Variants in RIPOR2 observed in about 807,000 individuals in gnomAD.
RIPOR2 encodes the protein rho family-interacting cell polarization regulator 2.
In RIPOR2, 39 loss-of-function variants were observed where a neutral mutation model predicts 114.5. That is an observed-to-expected ratio of 0.34 (90% CI 0.26 to 0.44). RIPOR2 has a LOEUF of 0.44. Among genes scored for constraint, RIPOR2 ranks in the 20% least tolerant of loss-of-function variants. RIPOR2 has a pLI of 1.00. For missense variants in RIPOR2, 1,007 were observed against 1,255.1 expected (o/e 0.80, Z 2.99); for synonymous variants, 445 against 484.4 (o/e 0.92, Z 1.07).
intron 13 of RIPOR2, 177 bp from the exon 14 acceptor site, chr6:24,839,449 A>G: frequency 7.0e-7 from 1 of 1,438,360 alleles, no homozygotes; most frequent in South Asian, 1.4e-5. Flanking sequence ...ACAACCATGG[A>G]TAAAATGGCA....
At chr6:24,926,758 C>T (rs1770882574) in intron 1 of RIPOR2, among the ~76,000 whole-genome samples, 1 of 152,076 alleles carries the variant, frequency 6.6e-6, no homozygotes, top group South Asian at 2.1e-4. Context: ...ATGTAGTAAA[C>T]CCTTATGGTT....
At chr6:24,975,257 G>T (rs9366590) in intron 1 of RIPOR2, among the ~76,000 whole-genome samples, 27,251 of 152,118 alleles carry the variant, frequency 0.18, 3,167 homozygotes, top group East Asian at 0.56. Context: ...CACAAAGAAT[G>T]TAGAGATATT....
At chr6:24,954,814 C>T (rs1448512753) in intron 1 of RIPOR2, among the ~76,000 whole-genome samples, 1 of 152,124 alleles carries the variant, frequency 6.6e-6, no homozygotes, top group African/African-American at 2.4e-5. Context: ...GGATTAATAA[C>T]GTATTCTCAT....
chr6:24,945,428 A>G (rs1020484536), intron 1 of RIPOR2, among the ~76,000 whole-genome samples: 1 of 152,194 alleles, frequency 6.6e-6, no homozygotes, highest in African/African-American at 2.4e-5. Context: ...AAAAATAGAG[A>G]GCACTGGTAG....
At chr6:24,914,207 G>A (rs1769898098) in intron 1 of RIPOR2, among the ~76,000 whole-genome samples, 1 of 152,054 alleles carries the variant, frequency 6.6e-6, no homozygotes, top group Non-Finnish European at 1.5e-5. Context: ...GTGGTGGCAG[G>A]TGCCTGTAAT....
At chr6:24,823,481 G>A (rs1276229003) in intron 19 of RIPOR2, among the ~76,000 whole-genome samples, 1 of 152,174 alleles carries the variant, frequency 6.6e-6, no homozygotes, top group African/African-American at 2.4e-5. Context: ...TACTTGACAG[G>A]TATTATTTCT....
chr6:25,002,648 TA>T (rs1385623494), intron 1 of RIPOR2, among the ~76,000 whole-genome samples: 8 of 152,240 alleles, frequency 5.3e-5, no homozygotes, highest in Non-Finnish European at 1.2e-4. Flanking sequence ...GTTTTAGATA[TA>T]CAACATGTTA....
intron 1 of RIPOR2, among the ~76,000 whole-genome samples, chr6:25,002,879 A>C (rs1344721619): frequency 6.6e-6 from 1 of 152,218 alleles, no homozygotes; most frequent in Admixed American, 6.5e-5. Flanking sequence ...TTGAAATGGA[A>C]TGTGTGGTTC....
chr6:24,865,591 G>T, intron 6 of RIPOR2, 141 bp from the exon 7 acceptor site: 1 of 671,496 alleles, frequency 1.5e-6, no homozygotes, highest in Non-Finnish European at 2.3e-6. Flanking sequence ...TTTAGATAGG[G>T]ACCAATCGTT....
chr6:24,872,960 C>A lies in RIPOR2; in HGVS notation c.345-1G>T. 6.3e-7 allele frequency: 1 copy of A among 1,599,640 alleles called. No individual in the cohort carries two copies. ...CGTCTGGTGAACCTCCAGATATTCA[C>A]TGCAAAGATAAGACAAGATGTAATC... On this transcript the variant is annotated splice_acceptor_variant, in intron 3 of 21. Coordinates refer to ENST00000643898, the MANE Select transcript of RIPOR2 (RefSeq NM_001286445.3). LOFTEE classifies it high-confidence loss of function.
chr6:25,019,970 A>C (rs1203549136), intron 1 of RIPOR2, among the ~76,000 whole-genome samples: 1 of 151,904 alleles, frequency 6.6e-6, no homozygotes, highest in African/African-American at 2.4e-5. Context: ...GTGTGATCCC[A>C]GCTATTATAT....
At chr6:24,820,185 A>G (rs1759552299) in intron 19 of RIPOR2, among the ~76,000 whole-genome samples, 1 of 152,016 alleles carries the variant, frequency 6.6e-6, no homozygotes, top group Non-Finnish European at 1.5e-5. Flanking sequence ...GGCGGATGCT[A>G]TGATGCCCAG....
intron 14 of RIPOR2, 151 bp from the exon 15 acceptor site, chr6:24,836,022 A>G (rs1761080612): frequency 1.4e-6 from 1 of 696,636 alleles, no homozygotes; most frequent in East Asian, 2.7e-5. Context: ...TTAAAAAATT[A>G]CTTAATTCAG....
At chr6:25,034,890 C>T (rs907412652) in intron 1 of RIPOR2, among the ~76,000 whole-genome samples, 6 of 152,132 alleles carry the variant, frequency 3.9e-5, no homozygotes, top group African/African-American at 1.4e-4. Context: ...CTCCAGTTTC[C>T]CATCATTTTT....
At chr6:24,927,110 ATGATTATTATAATCATCATCTC>A (rs1561782290) in intron 1 of RIPOR2, among the ~76,000 whole-genome samples, 51 of 940 alleles carry the variant, frequency 0.054, 17 homozygotes, top group East Asian at 0.25. Context: ...CACCACCACC[ATGATTATTATAATCATCATCTC>A]ACTACCACCA....
At chr6:24,997,194 T>C (rs1361775604) in intron 1 of RIPOR2, among the ~76,000 whole-genome samples, 1 of 152,222 alleles carries the variant, frequency 6.6e-6, no homozygotes, top group East Asian at 1.9e-4. Flanking sequence ...GATGCAGGCA[T>C]TTGTGTTTTA....
intron 6 of RIPOR2, among the ~76,000 whole-genome samples, chr6:24,867,121 A>C (rs1382931234): frequency 6.6e-6 from 1 of 152,256 alleles, no homozygotes; most frequent in Non-Finnish European, 1.5e-5. Flanking sequence ...GTTGCTATTT[A>C]CTTCAACAAT....
At chr6:24,860,566 A>G (rs1351449901) in intron 8 of RIPOR2, among the ~76,000 whole-genome samples, 1 of 152,222 alleles carries the variant, frequency 6.6e-6, no homozygotes, top group Non-Finnish European at 1.5e-5. Flanking sequence ...TGACAGCCCC[A>G]TGCTTTAAGA....
At chr6:25,009,924 G>T (rs1775710680) in intron 1 of RIPOR2, among the ~76,000 whole-genome samples, 1 of 152,122 alleles carries the variant, frequency 6.6e-6, no homozygotes, top group Non-Finnish European at 1.5e-5. Flanking sequence ...CCTGTGGTGT[G>T]GCATGAGGCA....
Sources: gnomAD v4.1 joint callset for allele counts (sites outside exome capture counted in the v4.1 genomes callset) on GRCh38, gnomAD v4.1.1 for gene constraint, MANE v1.5 for transcripts, NCBI Gene and HGNC (gene_info 2026-07-23, HGNC 2026-07-21) for gene names.